Variants in ASCC3 observed in about 807,000 individuals in gnomAD.
ASCC3 encodes the protein activating signal cointegrator 1 complex subunit 3.
ASCC3 carries 158 observed loss-of-function variants against 256.3 expected under a neutral mutation model. That is an observed-to-expected ratio of 0.62 (90% CI 0.54 to 0.70). ASCC3 has a LOEUF of 0.70. Ranked by LOEUF, ASCC3 falls within the 30% of genes least tolerant of loss-of-function variation. The pLI is 0.00. For synonymous variants in ASCC3, 948 were observed against 883.4 expected, an observed-to-expected ratio of 1.07 and a Z score of -1.30; for missense variants, 2,259 against 2,626.0, an observed-to-expected ratio of 0.86 and a Z score of 3.05.
intron 14 of ASCC3, among the ~76,000 whole-genome samples, chr6:100,674,753 CT>C (rs1465856072): frequency 1.3e-5 from 2 of 151,872 alleles, no homozygotes; most frequent in Non-Finnish European, 2.9e-5. Context: ...CTGCCTCAGC[CT>C]TCCCAAGTAG....
chr6:100,535,630 G>A (rs1267291264), intron 37 of ASCC3, among the ~76,000 whole-genome samples: 4 of 151,672 alleles, frequency 2.6e-5, no homozygotes, highest in African/African-American at 9.7e-5. Context: ...TACCACCCCC[G>A]GCTAATTCTT....
chr6:100,840,474 C>T (rs920759266), intron 4 of ASCC3, among the ~76,000 whole-genome samples: 15 of 143,992 alleles, frequency 1.0e-4, no homozygotes, highest in Non-Finnish European at 1.8e-4. Flanking sequence ...ACTATAGGCA[C>T]ATGCCACGCC....
intron 30 of ASCC3, among the ~76,000 whole-genome samples, chr6:100,623,826 C>T (rs1315166347): frequency 6.6e-6 from 1 of 152,108 alleles, no homozygotes; most frequent in South Asian, 2.1e-4. Context: ...AAGGATCATA[C>T]TAACAAACTG....
chr6:100,739,954 T>A (rs1261349025), intron 10 of ASCC3, among the ~76,000 whole-genome samples: 1 of 152,232 alleles, frequency 6.6e-6, no homozygotes, highest in Non-Finnish European at 1.5e-5. Context: ...TGATCTTGGT[T>A]ATCTCTCGTT....
chr6:100,832,227 G>C (rs1195846208), intron 4 of ASCC3, among the ~76,000 whole-genome samples: 2 of 152,064 alleles, frequency 1.3e-5, no homozygotes, highest in African/African-American at 4.8e-5. Flanking sequence ...GCTTATAAAG[G>C]AATAACAAAA....
At chr6:100,534,680 A>G (rs1470135538) in intron 37 of ASCC3, among the ~76,000 whole-genome samples, 1 of 152,226 alleles carries the variant, frequency 6.6e-6, no homozygotes, top group Non-Finnish European at 1.5e-5. Flanking sequence ...TAGTAACAGT[A>G]ACATATTGAA....
At chr6:100,729,223 C>G (rs1441548481) in intron 10 of ASCC3, among the ~76,000 whole-genome samples, 3 of 151,484 alleles carry the variant, frequency 2.0e-5, no homozygotes, top group Non-Finnish European at 4.4e-5. Context: ...AGGGAGAGGA[C>G]TAGAGAAATT....
chr6:100,642,070 G>T (rs1314507193), intron 24 of ASCC3, among the ~76,000 whole-genome samples: 2 of 151,008 alleles, frequency 1.3e-5, no homozygotes, highest in Non-Finnish European at 2.9e-5. Flanking sequence ...GTTAAATGAC[G>T]AGTTAATAGG....
At chr6:100,684,903 T>C (rs1180977068) in intron 13 of ASCC3, among the ~76,000 whole-genome samples, 1 of 148,796 alleles carries the variant, frequency 6.7e-6, no homozygotes, top group African/African-American at 2.5e-5. Flanking sequence ...GCCTCCCGGG[T>C]TGACACCATT....
chr6:100,796,396 T>G (rs1769616038), intron 8 of ASCC3, among the ~76,000 whole-genome samples: 1 of 152,070 alleles, frequency 6.6e-6, no homozygotes, highest in Non-Finnish European at 1.5e-5. Flanking sequence ...GCATACCAGG[T>G]TTATAACAGC....
intron 4 of ASCC3, among the ~76,000 whole-genome samples, chr6:100,820,688 A>G (rs935487526): frequency 2.1e-5 from 3 of 146,258 alleles, no homozygotes; most frequent in Admixed American, 7.2e-5. Context: ...TACCACCATG[A>G]AAGTGAAAAG....
chr6:100,616,771 CTTG>C (rs534717539), intron 30 of ASCC3, among the ~76,000 whole-genome samples: 157 of 152,248 alleles, frequency 1.0e-3, no homozygotes, highest in Admixed American at 6.0e-3. Flanking sequence ...ATAGCGAGTT[CTTG>C]TTGTTGTATT....
intron 8 of ASCC3, among the ~76,000 whole-genome samples, chr6:100,778,468 T>C (rs1444764131): frequency 6.6e-6 from 1 of 152,150 alleles, no homozygotes; most frequent in Non-Finnish European, 1.5e-5. Context: ...GAATAAAGTA[T>C]ATAAGGTTTT....
rs767314779 is a variant in ASCC3 at position 100,798,854 on chromosome 6, A to G, written c.1270-16T>C. The G allele has an allele frequency of 1.3e-6, 2 of 1,596,690 alleles. No individual in the cohort carries two copies. The highest frequency in any genetic ancestry group is 1.3e-5 in the African/African-American group (1 of 74,612). On this transcript the variant is annotated splice_polypyrimidine_tract_variant and intron_variant, in intron 7 of 41. Transcript: ENST00000369162. ...GCAAAATCATCTATAAACATCAACA[A>G]TAAAAATCCAATAATAATAAAAAAT...
intron 5 of ASCC3, 129 bp downstream of exon 5, chr6:100,805,631 T>A: frequency 1.7e-6 from 2 of 1,145,548 alleles, no homozygotes; most frequent in Non-Finnish European, 2.4e-6. Flanking sequence ...CTAAAATCTA[T>A]TTAACAGAGT....
At chr6:100,680,533 T>C (rs1777246682) in intron 13 of ASCC3, among the ~76,000 whole-genome samples, 1 of 152,214 alleles carries the variant, frequency 6.6e-6, no homozygotes, top group Admixed American at 6.5e-5. Context: ...CAAAGAGCCA[T>C]TAGTATGATA....
intron 30 of ASCC3, among the ~76,000 whole-genome samples, chr6:100,612,930 A>G (rs943971850): frequency 3.4e-5 from 4 of 119,082 alleles, no homozygotes; most frequent in African/African-American, 8.3e-5. Context: ...AAGTAAATAT[A>G]TAAGTGAAAT....
At chr6:100,594,746 A>G (rs1404649699) in intron 34 of ASCC3, among the ~76,000 whole-genome samples, 1 of 152,166 alleles carries the variant, frequency 6.6e-6, no homozygotes, top group Non-Finnish European at 1.5e-5. Flanking sequence ...TGTTCACTGC[A>G]GCATTATTCA....
chr6:100,513,033 C>A, intron 39 of ASCC3, 115 bp from the exon 40 acceptor site: 1 of 914,862 alleles, frequency 1.1e-6, no homozygotes, highest in East Asian at 2.6e-5. Flanking sequence ...GAGATTAATT[C>A]TAGATCCAAT....
Sources: allele counts gnomAD v4.1 joint callset (sites outside exome capture counted in the v4.1 genomes callset), GRCh38; gene constraint gnomAD v4.1.1; transcripts MANE v1.5; gene names NCBI Gene and HGNC (gene_info 2026-07-23, HGNC 2026-07-21).